Variants in HTR7 observed in about 807,000 individuals in gnomAD.
HTR7 encodes the protein 5-hydroxytryptamine receptor 7.
Under a neutral mutation model 34.0 loss-of-function variants are expected in HTR7, and 16 were observed. The observed-to-expected ratio is 0.47, with a 90% CI of 0.32 to 0.71. The LOEUF (loss-of-function observed/expected upper bound fraction) is 0.71, where lower values mean the gene tolerates loss of function less well. Among genes scored for constraint, HTR7 ranks in the 30% least tolerant of loss-of-function variants. HTR7 has a pLI of 0.04. For synonymous variants in HTR7, 265 were observed against 260.2 expected, an observed-to-expected ratio of 1.02 and a Z score of -0.18; for missense variants, 504 against 625.5, an observed-to-expected ratio of 0.81 and a Z score of 2.07.
rs1371809217 is a variant in HTR7 at position 90,857,880 on chromosome 10, G to C, written c.-209C>G. On this transcript the variant is annotated 5_prime_UTR_variant, in exon 1 of 4. Transcript: ENST00000336152. This position sits in a 1 kb window ranked among gnomAD's most constrained non-coding sequence, Gnocchi z 6.5. ...GGGTAACGCGGCAGCGCGGCCTCACGGGGACTCCCTGCGGGAGGCGCTTCG... is the reference window on the plus strand; with the variant it reads ...GGGTAACGCGGCAGCGCGGCCTCACCGGGACTCCCTGCGGGAGGCGCTTCG... Among the ~76,000 whole-genome samples the C allele has an allele frequency of 1.3e-5, 2 of 151,398 alleles. No homozygotes were observed. The highest frequency in any genetic ancestry group is 2.4e-5 in the African/African-American group (1 of 41,370).
At chr10:90,812,259 G>A (rs1294869985) in intron 1 of HTR7, among the ~76,000 whole-genome samples, 1 of 152,024 alleles carries the variant, frequency 6.6e-6, no homozygotes, top group Non-Finnish European at 1.5e-5. Context: ...ACTATCTTCT[G>A]TCTAGTCATA....
chr10:90,798,498 T>C (rs1029218196), intron 1 of HTR7, among the ~76,000 whole-genome samples: 9 of 152,158 alleles, frequency 5.9e-5, no homozygotes, highest in Non-Finnish European at 1.2e-4. Flanking sequence ...GAGGATCACT[T>C]GAGCCCAAGA....
intron 1 of HTR7, among the ~76,000 whole-genome samples, chr10:90,799,129 T>C (rs1404712098): frequency 1.3e-5 from 2 of 152,112 alleles, no homozygotes; most frequent in Non-Finnish European, 2.9e-5. Context: ...GCTCATCTGA[T>C]CTTGTAGCCC....
chr10:90,829,081 G>A (rs1208749074), intron 1 of HTR7, among the ~76,000 whole-genome samples: 1 of 152,158 alleles, frequency 6.6e-6, no homozygotes, highest in African/African-American at 2.4e-5. Context: ...AGGTATGCAA[G>A]CATAGTTCAA....
At chr10:90,813,292 C>A (rs1286974031) in intron 1 of HTR7, among the ~76,000 whole-genome samples, 1 of 152,102 alleles carries the variant, frequency 6.6e-6, no homozygotes, top group Non-Finnish European at 1.5e-5. Context: ...GAGGCCGAGG[C>A]GGGCCGATCA....
At chr10:90,802,442 C>T (rs1223220285) in intron 1 of HTR7, among the ~76,000 whole-genome samples, 1 of 152,168 alleles carries the variant, frequency 6.6e-6, no homozygotes, top group Admixed American at 6.5e-5. Flanking sequence ...GGATTGCTTC[C>T]TCTATGCCCT....
intron 1 of HTR7, among the ~76,000 whole-genome samples, chr10:90,788,648 A>G (rs527410016): frequency 6.6e-6 from 1 of 152,366 alleles, no homozygotes; most frequent in East Asian, 1.9e-4. Context: ...AGATTAAACA[A>G]TGGCTCTACC....
At position 90,749,374 on chromosome 10, in the gene HTR7, C is replaced by T. The variant is rs760670319; in HGVS notation, c.760G>A (p.Val254Ile). Residue 254 changes from valine to isoleucine, a missense_variant, in exon 2 of 4, where the codon GTC (valine) becomes ATC (isoleucine). This residue lies in a region of HTR7 where 154 missense variants were observed against 248.8 expected (regional missense o/e 0.62). Transcript: ENST00000336152. This position sits in a 1 kb window ranked among gnomAD's most constrained non-coding sequence, Gnocchi z 4.2. ...TAVAFYIPMS[V>I]MLFMYYQIYK... ...ATCTGGTAGTACATGAAAAGCATGA[C>T]GGACATGGGGATATAAAATGCCACT... 15 of 1,614,042 alleles carry T rather than the reference C, an allele frequency of 9.3e-6. No homozygotes were observed. The highest frequency in any genetic ancestry group is 2.2e-5 in the South Asian group (2 of 91,074).
intron 1 of HTR7, among the ~76,000 whole-genome samples, chr10:90,791,018 A>C (rs1845452280): frequency 6.6e-6 from 1 of 152,092 alleles, no homozygotes; most frequent in Non-Finnish European, 1.5e-5. Context: ...AATTCATACA[A>C]ATAAAACACT....
In HTR7 at chr10:90,825,183, A is replaced by T. The variant is rs563361825; in HGVS notation, c.539+31950T>A. Among the ~76,000 whole-genome samples the T allele has an allele frequency of 3.9e-5, 6 of 152,334 alleles. No individual in the cohort carries two copies. The South Asian group carries it at 1.0e-3, about 26-fold the overall frequency. On this transcript the variant is annotated intron_variant, in intron 1 of 3. Transcript: ENST00000336152. ...AAGAATATGACAGTCTCTGCCTGGCAATCCAGAGAATTCTTCAGGATCTCA... is the reference window on the plus strand; with the variant it reads ...AAGAATATGACAGTCTCTGCCTGGCTATCCAGAGAATTCTTCAGGATCTCA...
At chr10:90,750,015 C>A (rs1189065608) in intron 1 of HTR7, among the ~76,000 whole-genome samples, 1 of 152,214 alleles carries the variant, frequency 6.6e-6, no homozygotes, top group African/African-American at 2.4e-5. Flanking sequence ...ATTATACACC[C>A]AGTGATCACC....
At chr10:90,800,222 T>C (rs1845603277) in intron 1 of HTR7, among the ~76,000 whole-genome samples, 1 of 152,220 alleles carries the variant, frequency 6.6e-6, no homozygotes, top group African/African-American at 2.4e-5. Flanking sequence ...TACAACCACT[T>C]ACAAAAGTTT....
intron 1 of HTR7, among the ~76,000 whole-genome samples, chr10:90,818,598 T>A (rs2119999128): frequency 6.6e-6 from 1 of 152,056 alleles, no homozygotes; most frequent in East Asian, 1.9e-4. Flanking sequence ...GTTCTCACAC[T>A]CTCTTGGCCT....
At chr10:90,820,763 A>C (rs541568732) in intron 1 of HTR7, among the ~76,000 whole-genome samples, 12 of 152,354 alleles carry the variant, frequency 7.9e-5, no homozygotes, top group Admixed American at 7.2e-4. Flanking sequence ...CCCCATCATA[A>C]GATGAGGAGG....
At chr10:90,753,802 C>G (rs1844783668) in intron 1 of HTR7, among the ~76,000 whole-genome samples, 1 of 151,868 alleles carries the variant, frequency 6.6e-6, no homozygotes, top group South Asian at 2.1e-4. Flanking sequence ...TCTGTATTTA[C>G]TAACACAGAA....
chr10:90,751,378 G>C (rs1844731002), intron 1 of HTR7, among the ~76,000 whole-genome samples: 1 of 152,316 alleles, frequency 6.6e-6, no homozygotes, highest in African/African-American at 2.4e-5. Flanking sequence ...TCCTGTGAAT[G>C]TGGCCTTTTG....
chr10:90,827,137 A>G (rs555148026), intron 1 of HTR7, among the ~76,000 whole-genome samples: 2 of 152,270 alleles, frequency 1.3e-5, no homozygotes, highest in Admixed American at 1.3e-4. Flanking sequence ...GAAAGGAAGG[A>G]AAGAAGGAAG....
At chr10:90,829,127 A>G (rs9420572) in intron 1 of HTR7, among the ~76,000 whole-genome samples, 96,129 of 152,058 alleles carry the variant, frequency 0.63, 32,014 homozygotes, top group African/African-American at 0.87. Context: ...CATTATATTA[A>G]CAGAATGAAG....
intron 1 of HTR7, among the ~76,000 whole-genome samples, chr10:90,820,288 T>C (rs1306505695): frequency 1.3e-5 from 2 of 151,960 alleles, no homozygotes; most frequent in Non-Finnish European, 2.9e-5. Context: ...TGATGGCTTT[T>C]TGATTTTCTT....
Sources: allele counts gnomAD v4.1 joint callset (sites outside exome capture counted in the v4.1 genomes callset), GRCh38; gene constraint gnomAD v4.1.1; regional missense constraint gnomAD v4.1.1; non-coding constraint Gnocchi (gnomAD v3.1); transcripts MANE v1.5; gene names NCBI Gene and HGNC (gene_info 2026-07-23, HGNC 2026-07-21).